ADAMTS3: variants seen among roughly 807,000 people sequenced by gnomAD.
ADAMTS3 encodes A disintegrin and metalloproteinase with thrombospondin motifs 3.
ADAMTS3 carries 73 observed loss-of-function variants against 129.0 expected under a neutral mutation model. The observed-to-expected ratio is 0.57, with a 90% CI of 0.47 to 0.69. The LOEUF is 0.69. ADAMTS3 is among the 30% of genes least tolerant of loss of function. The probability of loss-of-function intolerance (pLI) is 0.00; values close to 1 mark genes in which losing one functional copy is unlikely to be tolerated. For synonymous variants in ADAMTS3, 477 were observed against 510.8 expected (o/e 0.93, Z 0.89); for missense variants, 1,457 against 1,514.5 (o/e 0.96, Z 0.63).
At chr4:72,395,883 C>T (rs1428631422) in intron 4 of ADAMTS3, among the ~76,000 whole-genome samples, 1 of 152,040 alleles carries the variant, frequency 6.6e-6, no homozygotes, top group African/African-American at 2.4e-5. Flanking sequence ...ATTTGGTAAC[C>T]TTCTATCTCA....
At chr4:72,490,057 A>G (rs936183017) in intron 3 of ADAMTS3, among the ~76,000 whole-genome samples, 2 of 151,912 alleles carry the variant, frequency 1.3e-5, no homozygotes, top group Non-Finnish European at 2.9e-5. Flanking sequence ...AGCCATTTCA[A>G]CAGGTGTGAT....
chr4:72,567,234 A>G (rs1006993924), intron 2 of ADAMTS3, 140 bp downstream of exon 2: 2 of 832,698 alleles, frequency 2.4e-6, no homozygotes, highest in African/African-American at 3.4e-5. Context: ...GAGGAAGAGA[A>G]GAACAGAAAT....
At chr4:72,550,685 G>A (rs964877474) in intron 2 of ADAMTS3, among the ~76,000 whole-genome samples, 1 of 151,990 alleles carries the variant, frequency 6.6e-6, no homozygotes, top group Non-Finnish European at 1.5e-5. Context: ...AAGGTTGTGA[G>A]GAAGATTTGG....
chr4:72,292,239 T>C (rs1176593816), intron 19 of ADAMTS3, among the ~76,000 whole-genome samples: 1 of 152,250 alleles, frequency 6.6e-6, no homozygotes, highest in Non-Finnish European at 1.5e-5. Flanking sequence ...TGGTTCACAT[T>C]CTACAGAGGA....
chr4:72,345,431 T>C (rs1189231334), intron 4 of ADAMTS3, among the ~76,000 whole-genome samples: 3 of 152,154 alleles, frequency 2.0e-5, no homozygotes, highest in Admixed American at 2.0e-4. Context: ...TTTAAAAAAA[T>C]TTAAAGTTAT....
At chr4:72,540,579 G>A (rs1721294795) in intron 3 of ADAMTS3, among the ~76,000 whole-genome samples, 1 of 152,188 alleles carries the variant, frequency 6.6e-6, no homozygotes. Context: ...GGTCTTCACA[G>A]CAGCCCCTAC....
intron 4 of ADAMTS3, among the ~76,000 whole-genome samples, chr4:72,389,365 A>T (rs546108556): frequency 6.6e-6 from 1 of 152,348 alleles, no homozygotes; most frequent in East Asian, 1.9e-4. Context: ...GAAATAAATT[A>T]GTGGTGGGGC....
chr4:72,541,603 G>A (rs540610958), intron 3 of ADAMTS3, among the ~76,000 whole-genome samples: 1 of 152,288 alleles, frequency 6.6e-6, no homozygotes, highest in Admixed American at 6.5e-5. Flanking sequence ...ATCCTCACAT[G>A]TCATGGGAGG....
chr4:72,368,434 G>T (rs114716302), intron 4 of ADAMTS3, among the ~76,000 whole-genome samples: 1,547 of 152,254 alleles, frequency 0.01, 36 homozygotes, highest in African/African-American at 0.035. Flanking sequence ...AAAAAAAGAA[G>T]AAATTAGTAG....
chr4:72,333,715 C>A (rs1312564223), intron 5 of ADAMTS3, among the ~76,000 whole-genome samples: 1 of 152,074 alleles, frequency 6.6e-6, no homozygotes, highest in Non-Finnish European at 1.5e-5. Context: ...GCCACAATGA[C>A]CTTTTAGTTA....
chr4:72,465,802 G>A (rs1322872267), intron 3 of ADAMTS3, among the ~76,000 whole-genome samples: 1 of 151,906 alleles, frequency 6.6e-6, no homozygotes, highest in Non-Finnish European at 1.5e-5. Context: ...GAATTATGGG[G>A]GCAGGTTTCC....
chr4:72,437,042 T>C (rs942036586), intron 3 of ADAMTS3, among the ~76,000 whole-genome samples: 1 of 151,790 alleles, frequency 6.6e-6, no homozygotes, highest in Admixed American at 6.6e-5. Flanking sequence ...AAATGTTGAA[T>C]GAATGGGTGA....
chr4:72,320,241 T>A (rs1560471283), intron 7 of ADAMTS3, among the ~76,000 whole-genome samples: 1 of 152,190 alleles, frequency 6.6e-6, no homozygotes, highest in Non-Finnish European at 1.5e-5. Context: ...CCTTTCTGTT[T>A]TAGTAAATGG....
At position 72,288,453 on chromosome 4, in the gene ADAMTS3, A is replaced by C. The variant is rs184212799; in HGVS notation, c.3049+298T>G. Among the ~76,000 whole-genome samples, 189 of 152,348 alleles carry C rather than the reference A, an allele frequency of 1.2e-3. 2 individuals carry two copies. The highest frequency in any genetic ancestry group is 4.3e-3 in the African/African-American group (180 of 41,586). ...TAGTTAAATATAACAAGGAAAAATTAAGTGGTTCCTATTAGCAACACAAAT... is the reference window on the plus strand; with the variant it reads ...TAGTTAAATATAACAAGGAAAAATTCAGTGGTTCCTATTAGCAACACAAAT... On this transcript the variant is annotated intron_variant, in intron 21 of 21. Transcript: ENST00000286657.
At chr4:72,411,619 T>G (rs1322802870) in intron 4 of ADAMTS3, among the ~76,000 whole-genome samples, 1 of 152,090 alleles carries the variant, frequency 6.6e-6, no homozygotes, top group African/African-American at 2.4e-5. Flanking sequence ...AGAAGGCCAT[T>G]CATACTTTGC....
intron 3 of ADAMTS3, among the ~76,000 whole-genome samples, chr4:72,541,787 G>A (rs1199498600): frequency 2.0e-5 from 3 of 152,166 alleles, no homozygotes; most frequent in Admixed American, 6.5e-5. Flanking sequence ...CTTCCACCAC[G>A]ATTGTGAGGC....
chr4:72,304,670 T>C (rs567955521), intron 16 of ADAMTS3, among the ~76,000 whole-genome samples: 2 of 152,208 alleles, frequency 1.3e-5, no homozygotes, highest in East Asian at 3.9e-4. Flanking sequence ...AGTATATATT[T>C]ATTACATATT....
chr4:72,389,993 G>A (rs890253581), intron 4 of ADAMTS3, among the ~76,000 whole-genome samples: 31 of 152,220 alleles, frequency 2.0e-4, no homozygotes, highest in Middle Eastern at 3.4e-3. Context: ...AGACAGAAAC[G>A]AGTGGAGAAG....
At chr4:72,298,083 G>C in intron 18 of ADAMTS3, 194 bp downstream of exon 18, 1 of 490,262 alleles carries the variant, frequency 2.0e-6, no homozygotes, top group Non-Finnish European at 3.6e-6. Context: ...TTTAAGGTCT[G>C]TCACTGTTAT....
Sources: allele counts gnomAD v4.1 joint callset (sites outside exome capture counted in the v4.1 genomes callset), GRCh38; gene constraint gnomAD v4.1.1; transcripts MANE v1.5; gene names NCBI Gene and HGNC (gene_info 2026-07-23, HGNC 2026-07-21).